The following AP2B1 variants were observed in gnomAD, a reference collection of about 807,000 sequenced individuals.
The protein encoded by AP2B1 is adaptor related protein complex 2 subunit beta 1.
AP2B1 carries 23 observed loss-of-function variants against 102.0 expected under a neutral mutation model. The ratio of observed to expected loss-of-function variants is 0.23; its 90% CI spans 0.16 to 0.32. AP2B1 has a LOEUF of 0.32. AP2B1 is among the 10% of genes least tolerant of loss of function. AP2B1 has a pLI of 1.00. For synonymous variants in AP2B1, 381 were observed against 421.2 expected, an observed-to-expected ratio of 0.90 and a Z score of 1.17; for missense variants, 541 against 1,157.4, an observed-to-expected ratio of 0.47 and a Z score of 7.73.
chr17:35,697,856 G>A (rs1282207247), intron 18 of AP2B1, among the ~76,000 whole-genome samples: 3 of 152,172 alleles, frequency 2.0e-5, no homozygotes, highest in Admixed American at 6.5e-5. Context: ...CAGCTACTCG[G>A]GAGGCTGAGG....
intron 9 of AP2B1, among the ~76,000 whole-genome samples, chr17:35,634,874 ACCT>A (rs755931266): frequency 1.4e-4 from 22 of 152,024 alleles, no homozygotes; most frequent in Non-Finnish European, 2.5e-4. Context: ...TCAGTTAAAG[ACCT>A]CCTACTTTGG....
At chr17:35,660,306 TG>T (rs1031448252) in intron 14 of AP2B1, among the ~76,000 whole-genome samples, 7 of 152,080 alleles carry the variant, frequency 4.6e-5, no homozygotes, top group African/African-American at 1.4e-4. Context: ...TTAGTTGGTC[TG>T]GAGTGAGACC....
chr17:35,641,392 G>A (rs2074776262), intron 11 of AP2B1, among the ~76,000 whole-genome samples: 1 of 152,088 alleles, frequency 6.6e-6, no homozygotes, highest in Non-Finnish European at 1.5e-5. Context: ...TGGCAACATT[G>A]CAAGACTACA....
rs202173048 is a variant in AP2B1, at chr17:35,590,367, A to AT, written c.-24+2948dup. Reference sequence around the variant, plus strand: ...ATACACTGAATCATATATATATGTGATTTTTTTTTGAGGTGAAATTCACGT... The same window carrying AT: ...ATACACTGAATCATATATATATGTGATTTTTTTTTTGAGGTGAAATTCACGT... On this transcript the variant is annotated intron_variant, in intron 1 of 21. Transcript: ENST00000610402. Among the ~76,000 whole-genome samples the AT allele has an allele frequency of 8.8e-4, 133 of 151,732 alleles. 2 individuals carry two copies. The highest frequency in any genetic ancestry group is 8.6e-3 in the South Asian group (41 of 4,794).
intron 21 of AP2B1, among the ~76,000 whole-genome samples, chr17:35,719,866 C>G (rs1429111597): frequency 1.3e-5 from 2 of 152,182 alleles, no homozygotes; most frequent in African/African-American, 4.8e-5. Context: ...ATACAGTGAG[C>G]TCTTCCTGTA....
chr17:35,643,068 A>G (rs2074829434), intron 12 of AP2B1, among the ~76,000 whole-genome samples: 1 of 150,600 alleles, frequency 6.6e-6, no homozygotes. Context: ...TTTAATTTTA[A>G]ACTCCTAAGT....
chr17:35,634,171 A>T (rs185198176), intron 9 of AP2B1, among the ~76,000 whole-genome samples: 1 of 152,108 alleles, frequency 6.6e-6, no homozygotes, highest in Non-Finnish European at 1.5e-5. Context: ...CATTTGAATA[A>T]TGTGTCTCTT....
chr17:35,689,439 AG>A (rs2075999435), intron 18 of AP2B1, among the ~76,000 whole-genome samples: 2 of 152,314 alleles, frequency 1.3e-5, no homozygotes, highest in African/African-American at 4.8e-5. Flanking sequence ...GTGGGATTAC[AG>A]GTATGAGCTA....
At chr17:35,702,370 T>C (rs1284159501) in intron 18 of AP2B1, among the ~76,000 whole-genome samples, 1 of 152,096 alleles carries the variant, frequency 6.6e-6, no homozygotes, top group Non-Finnish European at 1.5e-5. Context: ...AGGAAGAGCA[T>C]TGTAGACAGA....
chr17:35,673,557 G>A (rs536396252), intron 16 of AP2B1, among the ~76,000 whole-genome samples: 1 of 151,986 alleles, frequency 6.6e-6, no homozygotes, highest in Admixed American at 6.5e-5. Context: ...ACCAAGGGGC[G>A]TGTTATGAAT....
In AP2B1 at chr17:35,624,605, G is replaced by T. The variant is rs113108836; in HGVS notation, c.716+18G>T. On this transcript the variant is annotated intron_variant, in intron 6 of 21. Transcript: ENST00000610402. The stretch of plus-strand genomic sequence containing the variant: ...GCTCAGAGGTCAGTCTGTTTTCCTG[G>T]CTACTTTCTGGTAGTCTTGCCTGAT... 1.9e-6 allele frequency: 3 copies of T among 1,602,264 alleles called. No homozygotes were observed. Among genetic ancestry groups the T allele is most frequent in the Non-Finnish European group, 1.7e-6 (2 of 1,173,394 alleles).
rs999065659 is a variant in AP2B1 at position 35,723,864 on chromosome 17, A to G, written c.*165A>G. 3.8e-6 allele frequency: 2 copies of G among 532,378 alleles called. No homozygotes were observed. The highest frequency in any genetic ancestry group is 1.9e-5 in the African/African-American group (1 of 53,720). 33.0% of individuals were successfully genotyped at this position (532,378 alleles called of 1,614,324 possible). On this transcript the variant is annotated 3_prime_UTR_variant, in exon 22 of 22. Transcript: ENST00000610402. ...AACATTAGGGCACAACCTGTTGGAT[A>G]GTTTTAGCTTCCTGTGAACATTTGT...
intron 5 of AP2B1, among the ~76,000 whole-genome samples, chr17:35,622,933 G>A (rs1320194907): frequency 1.3e-5 from 2 of 151,956 alleles, no homozygotes; most frequent in East Asian, 3.9e-4. Context: ...CCAAAGTGTT[G>A]GGTTTACAGG....
intron 14 of AP2B1, among the ~76,000 whole-genome samples, chr17:35,668,996 T>C (rs1207257120): frequency 6.6e-6 from 1 of 152,214 alleles, no homozygotes; most frequent in African/African-American, 2.4e-5. Context: ...GTAAATGTTA[T>C]GTAAATGTTT....
At position 35,650,776 on chromosome 17, in the gene AP2B1, A is replaced by T. The variant is rs755219613; in HGVS notation, c.1783A>T (p.Ile595Phe). ...TGGAATTCATCGTAAACACTTGCCA[A>T]TTCATCATGGGAGGTAAGAAGGTGT... ...SHGIHRKHLPIHHGSTDAGDS... is the reference protein window; with the variant it reads ...SHGIHRKHLPFHHGSTDAGDS... The change falls in exon 13 of 22, where the codon ATT becomes TTT. Residue 595 changes from isoleucine to phenylalanine, a missense_variant. By Grantham distance (21) the Ile-to-Phe change is conservative. Around this residue, in one of 10 missense-constraint regions of AP2B1, gnomAD observed 39 missense variants for 42.0 expected, o/e 0.93. Transcript: ENST00000610402. 9.9e-6 allele frequency: 16 copies of T among 1,614,004 alleles called. No individual in the cohort carries two copies. The African/African-American group carries it at 1.5e-4, about 15-fold the overall frequency.
At position 35,666,772 on chromosome 17, in the gene AP2B1, G is replaced by GT. The variant is rs1173997711; in HGVS notation, c.1990-4082dup. On this transcript the variant is annotated intron_variant, in intron 14 of 21. Transcript: ENST00000610402. ...ATCACTCTGAGTTTTACAAGTTCTA[G>GT]TTTGATTGATTTTGTACCCTACCTG... 3.9e-5 allele frequency among the ~76,000 whole-genome samples: 6 copies of GT among 152,258 alleles called. No homozygotes were observed. In the East Asian group the frequency reaches 1.2e-3, roughly 29 times the overall value.
chr17:35,599,766 C>A (rs147985028), intron 3 of AP2B1, among the ~76,000 whole-genome samples: 3 of 151,858 alleles, frequency 2.0e-5, no homozygotes, highest in Non-Finnish European at 4.4e-5. Flanking sequence ...AAAAATTAGC[C>A]GGGCATGGTG....
intron 2 of AP2B1, among the ~76,000 whole-genome samples, chr17:35,594,636 T>G (rs1211874006): frequency 6.6e-6 from 1 of 152,226 alleles, no homozygotes; most frequent in African/African-American, 2.4e-5. Flanking sequence ...TGAGTTATTT[T>G]CATATCCGTC....
intron 18 of AP2B1, among the ~76,000 whole-genome samples, chr17:35,688,794 T>G (rs915759498): frequency 1.3e-5 from 2 of 152,010 alleles, no homozygotes; most frequent in African/African-American, 4.8e-5. Flanking sequence ...CGAAACCCTA[T>G]CTCTACTAAA....
Sources: allele counts gnomAD v4.1 joint callset (sites outside exome capture counted in the v4.1 genomes callset), GRCh38; gene constraint gnomAD v4.1.1; regional missense constraint gnomAD v4.1.1; transcripts MANE v1.5; gene names NCBI Gene and HGNC (gene_info 2026-07-23, HGNC 2026-07-21).